The following TENM2 variants were observed in gnomAD, a reference collection of about 807,000 sequenced individuals.
TENM2 encodes teneurin-2.
In TENM2, 52 loss-of-function variants were observed where a neutral mutation model predicts 245.2. The ratio of observed to expected loss-of-function variants is 0.21; its 90% CI spans 0.17 to 0.27. The LOEUF is 0.27. TENM2 is among the 10% of genes least tolerant of loss of function. The pLI is 1.00. For missense variants in TENM2, 3,046 were observed against 3,666.8 expected (o/e 0.83, Z 4.37); for synonymous variants, 1,363 against 1,438.9 (o/e 0.95, Z 1.19).
the TENM2 span, among the ~76,000 whole-genome samples, chr5:167,136,155 C>T: frequency 6.6e-6 from 1 of 152,156 alleles, no homozygotes. Flanking sequence ...GTTCTTTATG[C>T]ACCTATGTAA....
chr5:167,849,686 A>T (rs1266730402), intron 2 of TENM2, among the ~76,000 whole-genome samples: 2 of 152,142 alleles, frequency 1.3e-5, no homozygotes, highest in Middle Eastern at 3.4e-3. Flanking sequence ...AGGACCCATG[A>T]CCCCTTCCTT....
intron 2 of TENM2, among the ~76,000 whole-genome samples, chr5:167,740,457 A>G (rs74794755): frequency 2.0e-4 from 31 of 152,274 alleles, no homozygotes; most frequent in African/African-American, 7.0e-4. Flanking sequence ...TTTTGTTGAC[A>G]CTACTTCCCT....
At position 168,216,688 on chromosome 5, in the gene TENM2, C is replaced by T. The variant is rs1055300126; in HGVS notation, c.4079-80C>T. The T allele has an allele frequency of 5.8e-6, 8 of 1,387,102 alleles. No homozygotes were observed. In the African/African-American group the frequency reaches 1.1e-4, roughly 20 times the overall value. 85.9% of individuals were successfully genotyped at this position (1,387,102 alleles called of 1,614,324 possible). On this transcript the variant is annotated intron_variant, in intron 21 of 28. Coordinates refer to ENST00000518659, the Ensembl canonical transcript of TENM2. ...TCTCTGGTCTAAGCAGAGTGCTCAG[C>T]AAGGCATCTCATCTCCCACCTCCAC...
chr5:167,552,085 C>T (rs756630193), intron 2 of TENM2, among the ~76,000 whole-genome samples: 7 of 152,154 alleles, frequency 4.6e-5, no homozygotes, highest in Non-Finnish European at 8.8e-5. Context: ...ACTTATTAAT[C>T]GAAATTCTCA....
At chr5:167,397,133 A>G (rs554513679) in intron 2 of TENM2, among the ~76,000 whole-genome samples, 1 of 152,278 alleles carries the variant, frequency 6.6e-6, no homozygotes, top group Admixed American at 6.5e-5. Context: ...AATCTTGAAT[A>G]TAGGGACAAC....
intron 3 of TENM2, among the ~76,000 whole-genome samples, chr5:167,908,795 G>T (rs1776319962): frequency 6.6e-6 from 1 of 151,362 alleles, no homozygotes; most frequent in South Asian, 2.1e-4. Flanking sequence ...TCCAAGCTTG[G>T]CAGTTCTCCA....
intron 2 of TENM2, among the ~76,000 whole-genome samples, chr5:167,529,332 T>C (rs1271733268): frequency 6.6e-6 from 1 of 152,188 alleles, no homozygotes; most frequent in Non-Finnish European, 1.5e-5. Context: ...CTGTTGTAGT[T>C]TTCACATTTA....
chr5:168,241,109 C>T (rs1013491363), intron 25 of TENM2: 2 of 152,190 alleles, frequency 1.3e-5, no homozygotes, highest in African/African-American at 4.8e-5. Context: ...AATCCTACTA[C>T]TCAGCCTTTG....
chr5:168,149,002 G>A (rs954461520), intron 12 of TENM2, among the ~76,000 whole-genome samples: 10 of 152,092 alleles, frequency 6.6e-5, no homozygotes, highest in African/African-American at 1.4e-4. Flanking sequence ...TAAAGAGAAC[G>A]CAAAGGAACT....
chr5:168,252,847 C>CA lies in TENM2; in HGVS notation c.7432+4488dup, dbSNP rs967237225. Among the ~76,000 whole-genome samples, 1,033 of 121,892 alleles carry CA rather than the reference C, an allele frequency of 8.5e-3. 8 individuals are homozygous for CA. The highest frequency in any genetic ancestry group is 0.016 in the African/African-American group (508 of 32,456). 80.0% of individuals were successfully genotyped at this position (121,892 alleles called of 152,430 possible). On this transcript the variant is annotated intron_variant, in intron 27 of 28. Transcript: ENST00000518659. ...GAGAAACAAGAGCGAAACTCAGTCTCAAAAAAAAAAAACAAAAAAGAAAAG... is the reference window on the plus strand; with the variant it reads ...GAGAAACAAGAGCGAAACTCAGTCTCAAAAAAAAAAAAACAAAAAAGAAAAG...
intron 2 of TENM2, among the ~76,000 whole-genome samples, chr5:167,560,076 TCCCAGCACAGTAACAGTGACCTG>T (rs1773489926): frequency 6.6e-6 from 1 of 152,082 alleles, no homozygotes; most frequent in Non-Finnish European, 1.5e-5. Flanking sequence ...AAGCTACACT[TCCCAGCACAGTAACAGTGACCTG>T]CTTGAAGTGA....
chr5:167,411,239 A>C (rs1762890693), intron 2 of TENM2, among the ~76,000 whole-genome samples: 1 of 152,134 alleles, frequency 6.6e-6, no homozygotes, highest in Admixed American at 6.6e-5. Context: ...AAAGTAAAGT[A>C]TACTTGACTT....
chr5:167,082,253 G>A, the TENM2 span, among the ~76,000 whole-genome samples: 3 of 151,988 alleles, frequency 2.0e-5, no homozygotes, highest in Non-Finnish European at 2.9e-5. Context: ...AACAGAATAG[G>A]GAGATTTTTT....
In TENM2 at chr5:167,941,684, CAAAAAAAAAA is replaced by C. The variant is rs981805963; in HGVS notation, c.713-10893_713-10884del. Among the ~76,000 whole-genome samples, 3 of 110,026 alleles carry C rather than the reference CAAAAAAAAAA, an allele frequency of 2.7e-5. No homozygotes were observed. In the South Asian group the frequency reaches 9.4e-4, roughly 34 times the overall value. The allele number at this position is 110,026 out of a possible 152,430, so 72.2% of individuals were successfully genotyped here. On this transcript the variant is annotated intron_variant, in intron 3 of 28. Transcript: ENST00000518659. The stretch of plus-strand genomic sequence containing the variant: ...CAACATAGCAAAATCCCATCTCTAC[CAAAAAAAAAA>C]AAAAAAAAAATTAGCCAGGCATGGT...
the TENM2 span, among the ~76,000 whole-genome samples, chr5:166,993,429 G>A: frequency 6.6e-6 from 1 of 152,100 alleles, no homozygotes; most frequent in Non-Finnish European, 1.5e-5. Context: ...AGGAGGGTGA[G>A]AGCCCACTAA....
intron 2 of TENM2, among the ~76,000 whole-genome samples, chr5:167,542,485 CTTCTGAATCCA>C (rs57960832): frequency 0.52 from 78,722 of 151,724 alleles, 21,357 homozygotes; most frequent in South Asian, 0.63. Context: ...TGTCTTCCTC[CTTCTGAATCCA>C]TGAAGGGTCA....
At chr5:167,349,448 C>G (rs1758681593) in intron 1 of TENM2, among the ~76,000 whole-genome samples, 1 of 152,172 alleles carries the variant, frequency 6.6e-6, no homozygotes, top group African/African-American at 2.4e-5. Context: ...GTGTGCCACA[C>G]CATCCCTCCT....
At chr5:167,130,739 C>T in the TENM2 span, among the ~76,000 whole-genome samples, 2 of 152,182 alleles carry the variant, frequency 1.3e-5, no homozygotes, top group Non-Finnish European at 2.9e-5. Flanking sequence ...TGAATTTCCA[C>T]TGCCACCCTC....
At chr5:168,050,430 CAA>C (rs1045786412) in intron 6 of TENM2, among the ~76,000 whole-genome samples, 4 of 152,240 alleles carry the variant, frequency 2.6e-5, no homozygotes, top group Non-Finnish European at 5.9e-5. Context: ...TCCAGTGTTT[CAA>C]AGAGACAATC....
Sources: gnomAD v4.1 joint callset for allele counts (sites outside exome capture counted in the v4.1 genomes callset) on GRCh38, gnomAD v4.1.1 for gene constraint, MANE v1.5 for transcripts, NCBI Gene and HGNC (gene_info 2026-07-23, HGNC 2026-07-21) for gene names.